Variants in ENTPD5 observed in about 807,000 individuals in gnomAD.
ENTPD5 encodes ectonucleoside triphosphate diphosphohydrolase 5 (inactive).
ENTPD5 carries 49 observed loss-of-function variants against 60.2 expected under a neutral mutation model. The ratio of observed to expected loss-of-function variants is 0.81; its 90% confidence interval spans 0.65 to 1.03. The LOEUF (loss-of-function observed/expected upper bound fraction) is 1.03, where lower values mean the gene tolerates loss of function less well. Among genes scored for constraint, ENTPD5 ranks in the 50% least tolerant of loss-of-function variants. The probability of loss-of-function intolerance (pLI) is 0.00; values close to 1 mark genes in which losing one functional copy is unlikely to be tolerated. For synonymous variants in ENTPD5, 187 were observed against 185.4 expected (o/e 1.01, Z -0.07); for missense variants, 480 against 507.6 (o/e 0.95, Z 0.52).
At chr14:73,957,841 G>A (rs79537722), downstream of ENTPD5, among the ~76,000 whole-genome samples, 2,232 of 152,244 alleles carry the variant, frequency 0.015, 52 homozygotes, top group African/African-American at 0.05. Flanking sequence ...CCTGTCTACT[G>A]TAAAAGCAAA....
At chr14:74,006,825 T>TCCTC (rs563218565) in intron 3 of ENTPD5, among the ~76,000 whole-genome samples, 99 of 152,108 alleles carry the variant, frequency 6.5e-4, no homozygotes, top group African/African-American at 2.3e-3. Context: ...CTTCATGAGA[T>TCCTC]CCTCCCACCT....
downstream of ENTPD5, chr14:73,959,378 A>C (rs1247986928): frequency 6.2e-7 from 1 of 1,614,146 alleles, no homozygotes; most frequent in African/African-American, 1.3e-5. Context: ...AGTGCAGCAG[A>C]GTCTTAGCCG....
downstream of ENTPD5, chr14:73,962,890 C>T: frequency 2.5e-6 from 3 of 1,181,532 alleles, no homozygotes; most frequent in Admixed American, 1.8e-5. Flanking sequence ...GGAAGAATAC[C>T]TACGTGATTA....
chr14:73,991,559 G>T (rs1206998038), intron 3 of ENTPD5, among the ~76,000 whole-genome samples: 1 of 139,346 alleles, frequency 7.2e-6, no homozygotes, highest in African/African-American at 2.6e-5. Context: ...CTGTGCTCCA[G>T]CCTGGAGGAC....
intron 3 of ENTPD5, chr14:74,003,364 CT>C: frequency 1.7e-6 from 1 of 601,190 alleles, no homozygotes; most frequent in Non-Finnish European, 3.0e-6. Context: ...TTCTCTCAGC[CT>C]TAGCGCCATT....
chr14:73,961,747 C>T, downstream of ENTPD5: 1 of 1,614,194 alleles, frequency 6.2e-7, no homozygotes, highest in Non-Finnish European at 8.5e-7. Context: ...GTTCCGTGAG[C>T]CACCTCACAG....
intron 6 of ENTPD5, among the ~76,000 whole-genome samples, chr14:73,979,289 T>A (rs189050003): frequency 6.6e-6 from 1 of 152,122 alleles, no homozygotes; most frequent in Non-Finnish European, 1.5e-5. Context: ...CCCTGCTTTT[T>A]TTTTTTCCCT....
chr14:73,955,548 G>A (rs1566684652), downstream of ENTPD5: 1 of 1,586,390 alleles, frequency 6.3e-7, no homozygotes. Context: ...AGATGTCTTG[G>A]TCTGTCTTAA....
chr14:73,971,861 CT>C lies in ENTPD5; in HGVS notation c.1074del (p.Ala359ProfsTer29). On this transcript the variant is annotated frameshift_variant, in exon 14 of 16. Coordinates refer to ENST00000334696, the MANE Select transcript of ENTPD5 (RefSeq NM_001249.5). LOFTEE classifies it high-confidence loss of function. ...TTCCCCTGACACTTACCTTCCCTGGCTTTTCTTTCAAAATCTTCAACTTTTA... is the reference window on the plus strand; with the variant it reads ...TTCCCCTGACACTTACCTTCCCTGGCTTTCTTTCAAAATCTTCAACTTTTA... ...GILKVEDFER[K>X]AREVCDNLEN... 6.2e-7 allele frequency: 1 copy of C among 1,606,320 alleles called. No individual in the cohort carries two copies. The highest frequency in any genetic ancestry group is 8.5e-7 in the Non-Finnish European group (1 of 1,172,842).
At chr14:74,004,992 T>C (rs922179791) in intron 3 of ENTPD5, among the ~76,000 whole-genome samples, 7 of 152,156 alleles carry the variant, frequency 4.6e-5, no homozygotes, top group African/African-American at 1.7e-4. Flanking sequence ...ATACCATATA[T>C]ATATTTCAAT....
chr14:73,963,244 G>C lies in ENTPD5; in HGVS notation c.*3684C>G. The stretch of plus-strand genomic sequence containing the variant: ...AAGACTTACAATTTGGTTGAAAAGA[G>C]CTTTTTATTACTAAAAAACCCACAA... On this transcript the variant is annotated 3_prime_UTR_variant, in exon 16 of 16. Coordinates refer to ENST00000334696, the MANE Select transcript of ENTPD5 (RefSeq NM_001249.5). 1.8e-6 allele frequency: 1 copy of C among 566,206 alleles called. No homozygotes were observed. The highest frequency in any genetic ancestry group is 2.9e-5 in the East Asian group (1 of 34,902). 35.1% of individuals were successfully genotyped at this position (566,206 alleles called of 1,614,324 possible). A position where few individuals can be genotyped will look rare whatever the true frequency, so the allele number is the denominator to read the frequency against.
At position 73,965,815 on chromosome 14, in the gene ENTPD5, A is replaced by G. The variant is rs576443736; in HGVS notation, c.*1113T>C. 4 of 152,356 alleles carry G rather than the reference A, an allele frequency of 2.6e-5. No individual in the cohort carries two copies. The highest frequency in any genetic ancestry group is 9.6e-5 in the African/African-American group (4 of 41,586). 9.4% of individuals were successfully genotyped at this position (152,356 alleles called of 1,614,324 possible). A position where few individuals can be genotyped will look rare whatever the true frequency, so the allele number is the denominator to read the frequency against. On this transcript the variant is annotated 3_prime_UTR_variant, in exon 16 of 16. Transcript: ENST00000334696. Reference sequence around the variant, plus strand: ...AAAAAGAGAGCATGAGGGACATTAAATATGGTTCTCCCTGGAAATGTTGGT... The same window carrying G: ...AAAAAGAGAGCATGAGGGACATTAAGTATGGTTCTCCCTGGAAATGTTGGT...
At chr14:74,015,338 C>A (rs1594968622) in intron 2 of ENTPD5, among the ~76,000 whole-genome samples, 1 of 140,766 alleles carries the variant, frequency 7.1e-6, no homozygotes, top group South Asian at 2.4e-4. Flanking sequence ...AAGAAAAAAG[C>A]AGAAGTACTA....
Position 73,976,384 on chromosome 14 carries a change from A to C in ENTPD5, c.582T>G (p.Thr194=). ...CTCCCCCTAGGTCCAAGGTCCCCAC[A>C]GTCTCCTGTCTGTGGCCATGCAGCT... The part of the protein sequence containing the change: ...TGQLHGHRQE[T]VGTLDLGGAS... Residue 194 remains threonine (T), a synonymous_variant, in exon 9 of 16, where the codon ACT becomes ACG. Coordinates refer to ENST00000334696, the MANE Select transcript of ENTPD5 (RefSeq NM_001249.5). 1.2e-6 allele frequency: 2 copies of C among 1,614,170 alleles called. No homozygotes were observed. Among genetic ancestry groups the C allele is most frequent in the Non-Finnish European group, 1.7e-6 (2 of 1,180,004 alleles).
At chr14:74,007,176 T>C (rs1211814821) in intron 3 of ENTPD5, among the ~76,000 whole-genome samples, 1 of 151,852 alleles carries the variant, frequency 6.6e-6, no homozygotes, top group Non-Finnish European at 1.5e-5. Flanking sequence ...CACTTGAGCC[T>C]AGAAGTTCAA....
intron 5 of ENTPD5, among the ~76,000 whole-genome samples, chr14:73,986,069 CA>C (rs534512335): frequency 0.13 from 10,324 of 79,194 alleles, 522 homozygotes; most frequent in East Asian, 0.37. Flanking sequence ...GATACTCCGT[CA>C]AAAAAAAAAA....
intron 3 of ENTPD5, among the ~76,000 whole-genome samples, chr14:73,988,469 T>C (rs2057997133): frequency 6.6e-6 from 1 of 152,240 alleles, no homozygotes; most frequent in Admixed American, 6.5e-5. Context: ...TGTGTAAAGA[T>C]CAAATCAGAG....
chr14:74,004,709 T>A (rs1484221247), intron 3 of ENTPD5, among the ~76,000 whole-genome samples: 2 of 137,788 alleles, frequency 1.5e-5, no homozygotes, highest in Non-Finnish European at 3.2e-5. Flanking sequence ...TGAATGTCTT[T>A]ATAACCCAGT....
In ENTPD5 at chr14:73,977,036, T is replaced by C; in HGVS notation, c.541A>G (p.Asn181Asp). The C allele has an allele frequency of 6.2e-7, 1 of 1,613,500 alleles. No homozygotes were observed. The highest frequency in any genetic ancestry group is 8.5e-7 in the Non-Finnish European group (1 of 1,179,608). The change falls in exon 8 of 16, where the codon AAT (asparagine) becomes GAT (aspartate). Residue 181 changes from asparagine (N) to aspartate (D), a missense_variant. Coordinates refer to ENST00000334696, the MANE Select transcript of ENTPD5 (RefSeq NM_001249.5). Reference protein sequence around the residue: ...DEGILAWVTVNFLTGQLHGHR... With the variant: ...DEGILAWVTVDFLTGQLHGHR... The stretch of plus-strand genomic sequence containing the variant: ...GAGGATGTATTACCTGTCAGAAAAT[T>C]CACAGTAACCCAAGCTAATATGCCT...
Sources: gnomAD v4.1 joint callset for allele counts (sites outside exome capture counted in the v4.1 genomes callset) on GRCh38, gnomAD v4.1.1 for gene constraint, MANE v1.5 for transcripts, NCBI Gene and HGNC (gene_info 2026-07-23, HGNC 2026-07-21) for gene names.